PDE10A: variants seen among roughly 807,000 people sequenced by gnomAD.
PDE10A encodes cAMP and cAMP-inhibited cGMP 3',5'-cyclic phosphodiesterase 10A.
A neutral mutation model predicts 97.7 loss-of-function variants in PDE10A; 39 were observed. The observed-to-expected ratio is 0.40, with a 90% CI of 0.31 to 0.52. PDE10A has a LOEUF of 0.52. Among genes scored for constraint, PDE10A ranks in the 20% least tolerant of loss-of-function variants. The pLI, the probability that PDE10A is intolerant of heterozygous loss-of-function variation, is 0.56. For missense variants in PDE10A, 731 were observed against 1,047.8 expected (o/e 0.70, Z 4.17); for synonymous variants, 371 against 376.8 (o/e 0.98, Z 0.18).
intron 1 of PDE10A, among the ~76,000 whole-genome samples, chr6:165,682,008 C>T (rs1378921831): frequency 1.3e-5 from 2 of 152,228 alleles, no homozygotes; most frequent in East Asian, 1.9e-4. Context: ...ATATAGCTAT[C>T]GTGAACGCCC....
intron 1 of PDE10A, among the ~76,000 whole-genome samples, chr6:165,593,941 A>T (rs1356472324): frequency 6.6e-6 from 1 of 152,238 alleles, no homozygotes; most frequent in African/African-American, 2.4e-5. Context: ...CAACATTCTT[A>T]ATCAGACTAA....
intron 1 of PDE10A, among the ~76,000 whole-genome samples, chr6:165,563,909 T>C (rs1032079643): frequency 6.7e-6 from 1 of 150,106 alleles, no homozygotes; most frequent in African/African-American, 2.4e-5. Flanking sequence ...AAAAGGTAGC[T>C]ATAATGATGA....
intron 1 of PDE10A, among the ~76,000 whole-genome samples, chr6:165,547,059 G>A (rs1783775460): frequency 6.6e-6 from 1 of 152,014 alleles, no homozygotes; most frequent in African/African-American, 2.4e-5. Flanking sequence ...ACATAAGCTT[G>A]GAGTAGCTGA....
At chr6:165,349,701 G>A (rs1047894553) in intron 18 of PDE10A, among the ~76,000 whole-genome samples, 2 of 152,200 alleles carry the variant, frequency 1.3e-5, no homozygotes, top group South Asian at 4.1e-4. Context: ...AGGCCCAAGG[G>A]GCAGAAATGG....
chr6:165,618,559 G>C (rs1230416306), intron 1 of PDE10A, among the ~76,000 whole-genome samples: 2 of 152,150 alleles, frequency 1.3e-5, no homozygotes, highest in African/African-American at 4.8e-5. Flanking sequence ...CCAGGAGCGG[G>C]ACTTAACACA....
chr6:165,853,985 G>A (rs1166657820), intron 1 of PDE10A, among the ~76,000 whole-genome samples: 1 of 152,174 alleles, frequency 6.6e-6, no homozygotes. Flanking sequence ...GGCTCTGGGG[G>A]CTAGAAGACG....
intron 1 of PDE10A, among the ~76,000 whole-genome samples, chr6:165,710,742 G>T (rs1443390658): frequency 6.6e-6 from 1 of 152,170 alleles, no homozygotes; most frequent in Non-Finnish European, 1.5e-5. Context: ...TCATTGTAAT[G>T]TTAAATGACT....
In PDE10A at chr6:165,807,244, C is replaced by T. The variant is rs143704235; in HGVS notation, c.-615+180285G>A. ...AGTCAGATAAGCAGATGTGGACACG[C>T]CTGCATATTTTCCTTTTTAGATACT... On this transcript the variant is annotated intron_variant, in intron 1 of 19. Transcript: ENST00000366882. 1.0e-3 allele frequency among the ~76,000 whole-genome samples: 152 copies of T among 148,494 alleles called. 1 individual carries two copies. Among genetic ancestry groups the T allele is most frequent in the African/African-American group, 3.9e-3 (148 of 37,974 alleles).
chr6:165,935,885 C>A (rs1383274782), intron 1 of PDE10A, among the ~76,000 whole-genome samples: 1 of 152,186 alleles, frequency 6.6e-6, no homozygotes, highest in African/African-American at 2.4e-5. Flanking sequence ...CAAGATACAG[C>A]CCCTCGCTCT....
intron 1 of PDE10A, among the ~76,000 whole-genome samples, chr6:165,690,917 G>A (rs182276765): frequency 6.6e-6 from 1 of 152,204 alleles, no homozygotes; most frequent in East Asian, 1.9e-4. Flanking sequence ...CATCCCTGGT[G>A]GGGGCCACTG....
At chr6:165,668,765 A>T (rs550016181) in intron 1 of PDE10A, among the ~76,000 whole-genome samples, 27 of 85,302 alleles carry the variant, frequency 3.2e-4, no homozygotes, top group Middle Eastern at 6.0e-3. Flanking sequence ...GGAAGGAAGG[A>T]AGGTAGGAAG....
upstream of PDE10A, among the ~76,000 whole-genome samples, chr6:165,663,999 C>A (rs1424660946): frequency 6.6e-6 from 1 of 152,212 alleles, no homozygotes; most frequent in Non-Finnish European, 1.5e-5. Context: ...CGCGTTCGGG[C>A]AGGCACGCGC....
At chr6:165,872,260 A>T (rs182181895) in intron 1 of PDE10A, among the ~76,000 whole-genome samples, 1 of 152,370 alleles carries the variant, frequency 6.6e-6, no homozygotes, top group Non-Finnish European at 1.5e-5. Flanking sequence ...AATTAAAGCA[A>T]ATAAAACGTT....
At chr6:165,856,161 A>G (rs552232786) in intron 1 of PDE10A, among the ~76,000 whole-genome samples, 1 of 152,250 alleles carries the variant, frequency 6.6e-6, no homozygotes, top group African/African-American at 2.4e-5. Flanking sequence ...TGTGCTGGAG[A>G]GGAGGACTGA....
intron 1 of PDE10A, among the ~76,000 whole-genome samples, chr6:165,782,179 G>A (rs141732046): frequency 5.9e-5 from 9 of 152,318 alleles, no homozygotes; most frequent in African/African-American, 1.9e-4. Context: ...CAAAGTTAGC[G>A]TGTAGCTCAG....
At chr6:165,405,943 C>A (rs1200259445) in intron 13 of PDE10A, among the ~76,000 whole-genome samples, 1 of 152,100 alleles carries the variant, frequency 6.6e-6, no homozygotes, top group Non-Finnish European at 1.5e-5. Context: ...CATGAAACCA[C>A]CTAGGATGTA....
At chr6:165,738,610 C>A (rs1792642106) in intron 1 of PDE10A, among the ~76,000 whole-genome samples, 1 of 151,750 alleles carries the variant, frequency 6.6e-6, no homozygotes, top group Non-Finnish European at 1.5e-5. Context: ...AATGGTTGAA[C>A]TAGTTTACAG....
At chr6:165,492,521 C>T (rs1206996551) in intron 2 of PDE10A, among the ~76,000 whole-genome samples, 2 of 152,144 alleles carry the variant, frequency 1.3e-5, no homozygotes, top group African/African-American at 4.8e-5. Flanking sequence ...GGTTTCATAG[C>T]AGGGATGGTT....
chr6:165,813,590 C>T (rs540863768), intron 1 of PDE10A, among the ~76,000 whole-genome samples: 1 of 152,332 alleles, frequency 6.6e-6, no homozygotes, highest in East Asian at 1.9e-4. Flanking sequence ...GATGACAATG[C>T]ATCCGAAGAC....
Sources: gnomAD v4.1 joint callset for allele counts (sites outside exome capture counted in the v4.1 genomes callset) on GRCh38, gnomAD v4.1.1 for gene constraint, MANE v1.5 for transcripts, NCBI Gene and HGNC (gene_info 2026-07-23, HGNC 2026-07-21) for gene names.